Variants in CCDC30 observed in about 807,000 individuals in gnomAD.
CCDC30 encodes coiled-coil domain-containing protein 30.
A neutral mutation model predicts 100.2 loss-of-function variants in CCDC30; 70 were observed. The ratio of observed to expected loss-of-function variants is 0.70; its 90% confidence interval spans 0.58 to 0.85. CCDC30 has a LOEUF of 0.85. CCDC30 is among the 40% of genes least tolerant of loss of function. The pLI, the probability that CCDC30 is intolerant of heterozygous loss-of-function variation, is 0.00. For synonymous variants in CCDC30, 233 were observed against 269.5 expected (o/e 0.86, Z 1.33); for missense variants, 652 against 771.2 (o/e 0.85, Z 1.83).
At chr1:42,590,260 G>A (rs561224600) in intron 10 of CCDC30, 5 of 152,332 alleles carry the variant, frequency 3.3e-5, no homozygotes, top group Middle Eastern at 3.4e-3. Flanking sequence ...ATATCTGTAA[G>A]CCAATTAAAC....
At chr1:42,517,107 A>C (rs775763608) in intron 6 of CCDC30, among the ~76,000 whole-genome samples, 10 of 152,180 alleles carry the variant, frequency 6.6e-5, no homozygotes, top group Admixed American at 2.0e-4. Flanking sequence ...TTTATGACAC[A>C]GGGTCTTGCT....
intron 6 of CCDC30, among the ~76,000 whole-genome samples, chr1:42,563,452 G>C (rs1278574725): frequency 6.6e-6 from 1 of 151,986 alleles, no homozygotes; most frequent in African/African-American, 2.4e-5. Context: ...ACCAGGGCCT[G>C]TTGGGGGTAG....
At chr1:42,644,962 G>C (rs1647769569) in intron 14 of CCDC30, among the ~76,000 whole-genome samples, 155 bp downstream of exon 18, 1 of 152,162 alleles carries the variant, frequency 6.6e-6, no homozygotes, top group South Asian at 2.1e-4. Flanking sequence ...TGCACACCAG[G>C]ATAGCAGACC....
intron 6 of CCDC30, among the ~76,000 whole-genome samples, chr1:42,543,666 T>C (rs1365180277): frequency 6.6e-6 from 1 of 152,212 alleles, no homozygotes; most frequent in African/African-American, 2.4e-5. Flanking sequence ...CCTTTGGCCA[T>C]ATTGCTCCCC....
At chr1:42,547,874 AC>A (rs1284036032) in intron 6 of CCDC30, among the ~76,000 whole-genome samples, 1 of 152,202 alleles carries the variant, frequency 6.6e-6, no homozygotes, top group Non-Finnish European at 1.5e-5. Flanking sequence ...CTTATGGTCC[AC>A]ATAGTCTGAT....
intron 11 of CCDC30, among the ~76,000 whole-genome samples, chr1:42,636,965 CAAAAAAAAAAAAAAAA>C (rs1166253995): frequency 3.4e-5 from 1 of 29,518 alleles, no homozygotes; most frequent in Admixed American, 6.9e-4. Context: ...GACTCCATCT[CAAAAAAAAAAAAAAAA>C]AAAAAAAAAA....
At chr1:42,640,097 TACAA>T (rs1647282101) in intron 12 of CCDC30, among the ~76,000 whole-genome samples, 1 of 152,174 alleles carries the variant, frequency 6.6e-6, no homozygotes, top group Non-Finnish European at 1.5e-5. Context: ...GCCACAGTGG[TACAA>T]ACCTAGGAAT....
chr1:42,489,578 A>G (rs182789909), intron 3 of CCDC30, among the ~76,000 whole-genome samples: 31 of 152,288 alleles, frequency 2.0e-4, no homozygotes, highest in African/African-American at 6.7e-4. Flanking sequence ...AATATAGGCG[A>G]TCCACTAGCA....
At position 42,480,701 on chromosome 1, in the gene CCDC30, A is replaced by T. The variant is rs1643942642; in HGVS notation, c.15+135A>T. The T allele has an allele frequency of 5.0e-6, 4 of 803,196 alleles. No homozygotes were observed. In the Admixed American group the frequency reaches 1.9e-4, roughly 37 times the overall value. 49.8% of individuals were successfully genotyped at this position (803,196 alleles called of 1,614,324 possible). A position where few individuals can be genotyped will look rare whatever the true frequency, so the allele number is the denominator to read the frequency against. On this transcript the variant is annotated intron_variant, in intron 2 of 16. Transcript: ENST00000668663. The stretch of plus-strand genomic sequence containing the variant: ...AGTCTCTACAAAGAGAACATCAAGA[A>T]CCTGTGTAACAGTCTAAAAAAACTG...
chr1:42,464,382 A>G (rs1643502248), intron 1 of CCDC30, among the ~76,000 whole-genome samples: 1 of 152,222 alleles, frequency 6.6e-6, no homozygotes, highest in African/African-American at 2.4e-5. Flanking sequence ...AGGGCATTCA[A>G]AGTGATCATG....
chr1:42,645,593 C>T (rs2148690821), intron 14 of CCDC30, among the ~76,000 whole-genome samples: 1 of 152,184 alleles, frequency 6.6e-6, no homozygotes, highest in African/African-American at 2.4e-5. Flanking sequence ...GTAGATCCTG[C>T]TTGTTGATCA....
At chr1:42,504,207 C>T (rs144722168) in intron 6 of CCDC30, among the ~76,000 whole-genome samples, 172 of 152,318 alleles carry the variant, frequency 1.1e-3, no homozygotes, top group African/African-American at 3.8e-3. Context: ...AGCGGTTTTC[C>T]GCCCTGGGTG....
intron 6 of CCDC30, among the ~76,000 whole-genome samples, chr1:42,564,771 A>G (rs1645571821): frequency 6.6e-6 from 1 of 152,184 alleles, no homozygotes; most frequent in South Asian, 2.1e-4. Flanking sequence ...GTACATATCC[A>G]GAATTTATCC....
intron 15 of CCDC30, 116 bp from the exon 20 acceptor site, chr1:42,653,260 C>G (rs1648508046): frequency 2.0e-6 from 1 of 498,650 alleles, no homozygotes; most frequent in African/African-American, 2.0e-5. Flanking sequence ...TTATGTTTTT[C>G]ATTGTTTGTA....
intron 11 of CCDC30, among the ~76,000 whole-genome samples, chr1:42,633,277 G>C (rs950400679): frequency 2.0e-5 from 3 of 152,158 alleles, no homozygotes; most frequent in African/African-American, 7.2e-5. Flanking sequence ...TTGTCTCTGG[G>C]CCTGATGAAT....
intron 6 of CCDC30, among the ~76,000 whole-genome samples, chr1:42,507,337 G>T (rs187192969): frequency 1.3e-5 from 2 of 152,188 alleles, no homozygotes; most frequent in African/African-American, 4.8e-5. Flanking sequence ...ATGCGAATTA[G>T]TGTCTTAAGA....
At chr1:42,518,078 A>T (rs1158648781) in intron 6 of CCDC30, among the ~76,000 whole-genome samples, 1 of 152,204 alleles carries the variant, frequency 6.6e-6, no homozygotes, top group Non-Finnish European at 1.5e-5. Context: ...TTACATTGTA[A>T]CAATAGTTTT....
At chr1:42,492,027 C>T in intron 4 of CCDC30, 2 of 555,104 alleles carry the variant, frequency 3.6e-6, no homozygotes, top group Non-Finnish European at 3.3e-6. Context: ...AAAAAACTAA[C>T]TTCCAGGGCA....
chr1:42,580,587 G>A (rs569986329), intron 8 of CCDC30, among the ~76,000 whole-genome samples: 14 of 152,160 alleles, frequency 9.2e-5, no homozygotes, highest in Non-Finnish European at 1.9e-4. Flanking sequence ...AAGTAAACAA[G>A]TGTAAAGGAA....
Sources: gnomAD v4.1 joint callset for allele counts (sites outside exome capture counted in the v4.1 genomes callset) on GRCh38, gnomAD v4.1.1 for gene constraint, MANE v1.5 for transcripts, NCBI Gene and HGNC (gene_info 2026-07-23, HGNC 2026-07-21) for gene names.